Variants in RAB3C observed in about 807,000 individuals in gnomAD.
RAB3C encodes the protein RAB3C, member RAS oncogene family, also known as ras-related protein Rab-3C.
In RAB3C, 17 loss-of-function variants were observed where a neutral mutation model predicts 26.4. The ratio of observed to expected loss-of-function variants is 0.64; its 90% CI spans 0.44 to 0.97. RAB3C has a LOEUF of 0.97. Among genes scored for constraint, RAB3C ranks in the 50% least tolerant of loss-of-function variants. The pLI is 0.00. For missense variants in RAB3C, 242 were observed against 281.9 expected (o/e 0.86, Z 1.01); for synonymous variants, 91 against 95.9 (o/e 0.95, Z 0.30).
chr5:58,635,322 G>T (rs1008440247), intron 2 of RAB3C, among the ~76,000 whole-genome samples: 9 of 152,204 alleles, frequency 5.9e-5, no homozygotes, highest in African/African-American at 2.2e-4. Flanking sequence ...ACATGGGGAG[G>T]TTGCTGTCCA....
intron 3 of RAB3C, among the ~76,000 whole-genome samples, chr5:58,748,186 G>GT (rs199785995): frequency 2.0e-5 from 2 of 101,016 alleles, no homozygotes. Flanking sequence ...AGAATTTCAA[G>GT]GGGGGGGAAA....
intron 4 of RAB3C, among the ~76,000 whole-genome samples, chr5:58,833,240 C>T (rs1303141263): frequency 2.6e-5 from 4 of 151,486 alleles, no homozygotes; most frequent in African/African-American, 4.8e-5. Context: ...TAAATTATGG[C>T]GAGGCCTAAA....
At chr5:58,821,088 G>A (rs539048456) in intron 3 of RAB3C, among the ~76,000 whole-genome samples, 26 of 152,268 alleles carry the variant, frequency 1.7e-4, no homozygotes, top group African/African-American at 6.3e-4. Flanking sequence ...TACTGGCCCA[G>A]GTCAGAAGAG....
rs534923178 is a variant in RAB3C, at chr5:58,640,744, T to C, written c.252+22874T>C. ...CAGATGTCTTTCAGAGACAGTGTTGTCAGAGAAGGTGTCTTCTGTAGGATG... is the reference window on the plus strand; with the variant it reads ...CAGATGTCTTTCAGAGACAGTGTTGCCAGAGAAGGTGTCTTCTGTAGGATG... On this transcript the variant is annotated intron_variant, in intron 2 of 4. Transcript: ENST00000282878. 3.9e-5 allele frequency among the ~76,000 whole-genome samples: 6 copies of C among 152,270 alleles called. No individual in the cohort carries two copies. In the South Asian group the frequency reaches 1.2e-3, roughly 32 times the overall value.
intron 3 of RAB3C, among the ~76,000 whole-genome samples, chr5:58,731,974 G>A (rs1188032639): frequency 1.3e-5 from 2 of 152,186 alleles, no homozygotes; most frequent in Non-Finnish European, 2.9e-5. Context: ...GAAGTGGTTA[G>A]CAGAAGGAAT....
intron 1 of RAB3C, among the ~76,000 whole-genome samples, chr5:58,586,560 G>T (rs899760311): frequency 6.6e-6 from 1 of 152,040 alleles, no homozygotes; most frequent in Non-Finnish European, 1.5e-5. Flanking sequence ...ATAATTTCTG[G>T]CAGGGTCACG....
intron 3 of RAB3C, among the ~76,000 whole-genome samples, chr5:58,776,544 C>T (rs1381479512): frequency 6.6e-6 from 1 of 152,084 alleles, no homozygotes; most frequent in Non-Finnish European, 1.5e-5. Flanking sequence ...CCCTGTTTTA[C>T]CTCAAATTCA....
chr5:58,709,638 C>T (rs749181904), intron 2 of RAB3C, among the ~76,000 whole-genome samples: 19 of 152,296 alleles, frequency 1.2e-4, no homozygotes, highest in Non-Finnish European at 1.9e-4. Context: ...AAGCCTGGCC[C>T]GTAATTGTTG....
At chr5:58,778,868 A>G (rs1300471398) in intron 3 of RAB3C, among the ~76,000 whole-genome samples, 1 of 152,132 alleles carries the variant, frequency 6.6e-6, no homozygotes, top group Non-Finnish European at 1.5e-5. Flanking sequence ...CTAATTCAGC[A>G]TGTCAAAAAC....
intron 2 of RAB3C, among the ~76,000 whole-genome samples, chr5:58,663,618 A>G (rs1747947213): frequency 7.1e-6 from 1 of 140,938 alleles, no homozygotes; most frequent in South Asian, 2.1e-4. Context: ...CTGAACAGAC[A>G]CTTGACCAAA....
intron 2 of RAB3C, among the ~76,000 whole-genome samples, chr5:58,680,484 G>T (rs538299597): frequency 3.9e-5 from 6 of 152,216 alleles, no homozygotes; most frequent in Non-Finnish European, 7.3e-5. Context: ...GTTATCCTCT[G>T]TATTCATTCC....
At chr5:58,631,257 A>C (rs1228949676) in intron 2 of RAB3C, among the ~76,000 whole-genome samples, 1 of 152,160 alleles carries the variant, frequency 6.6e-6, no homozygotes, top group Non-Finnish European at 1.5e-5. Flanking sequence ...AAATATGATG[A>C]ATCCTCCTTC....
At chr5:58,731,165 A>G (rs1741011727) in intron 3 of RAB3C, among the ~76,000 whole-genome samples, 1 of 152,132 alleles carries the variant, frequency 6.6e-6, no homozygotes, top group Non-Finnish European at 1.5e-5. Context: ...GGAGATTCAG[A>G]GAGAGTAGCA....
At chr5:58,684,114 T>A (rs1035115542) in intron 2 of RAB3C, among the ~76,000 whole-genome samples, 7 of 152,202 alleles carry the variant, frequency 4.6e-5, no homozygotes, top group African/African-American at 1.2e-4. Context: ...ACTGAACATG[T>A]ACAGACTTTT....
At position 58,842,772 on chromosome 5, in the gene RAB3C, A is replaced by G. The variant is rs577148814; in HGVS notation, c.497-8392A>G. On this transcript the variant is annotated intron_variant, in intron 4 of 4. Transcript: ENST00000282878. ...TCAGAATTTGTCACTATATAAAGTA[A>G]AATCATTTGTATGAAGCTTCACATA... Among the ~76,000 whole-genome samples, 4 of 152,348 alleles carry G rather than the reference A, an allele frequency of 2.6e-5. No individual in the cohort carries two copies. The South Asian group carries it at 8.3e-4, about 32-fold the overall frequency.
chr5:58,584,251 A>T (rs918613241), intron 1 of RAB3C, among the ~76,000 whole-genome samples: 6 of 152,248 alleles, frequency 3.9e-5, no homozygotes, highest in African/African-American at 1.4e-4. Context: ...CAAGGACTTT[A>T]AACATATGCT....
intron 1 of RAB3C, among the ~76,000 whole-genome samples, chr5:58,595,222 G>T (rs932143159): frequency 4.6e-5 from 7 of 152,144 alleles, no homozygotes; most frequent in Admixed American, 1.3e-4. Context: ...CTAGTAGGGT[G>T]CTTGCAGTGA....
intron 4 of RAB3C, among the ~76,000 whole-genome samples, chr5:58,825,725 GA>G (rs1196062327): frequency 6.6e-6 from 1 of 152,114 alleles, no homozygotes; most frequent in African/African-American, 2.4e-5. Context: ...TAATAGATAT[GA>G]GAAAGTTTCA....
chr5:58,694,635 G>A (rs1288119052), intron 2 of RAB3C, among the ~76,000 whole-genome samples: 29 of 152,140 alleles, frequency 1.9e-4, no homozygotes, highest in South Asian at 2.1e-4. Context: ...TCTAACTGGC[G>A]TGAGATGCTA....
Sources: allele counts gnomAD v4.1 joint callset (sites outside exome capture counted in the v4.1 genomes callset), GRCh38; gene constraint gnomAD v4.1.1; transcripts MANE v1.5; gene names NCBI Gene and HGNC (gene_info 2026-07-23, HGNC 2026-07-21).